GPC3: variants seen among roughly 807,000 people sequenced by gnomAD.
GPC3 encodes glypican 3.
GPC3 carries 3 observed loss-of-function variants against 34.4 expected under a neutral mutation model. That is an observed-to-expected ratio of 0.09 (90% CI 0.04 to 0.23). The LOEUF is 0.23. Among genes scored for constraint, GPC3 ranks in the 10% least tolerant of loss-of-function variants. GPC3 has a pLI of 1.00. For synonymous variants in GPC3, 177 were observed against 174.0 expected, an observed-to-expected ratio of 1.02 and a Z score of -0.13; for missense variants, 351 against 445.6, an observed-to-expected ratio of 0.79 and a Z score of 1.91.
chrX:133,761,554 T>C (rs2071790849), intron 2 of GPC3, among the ~76,000 whole-genome samples: 1 of 112,149 alleles, frequency 8.9e-6, no homozygotes, highest in African/African-American at 3.2e-5. Context: ...AAGAAATATA[T>C]GCTTTTCACA....
At chrX:133,617,512 TACATGAG>T (rs1351714880) in intron 6 of GPC3, among the ~76,000 whole-genome samples, 1 of 111,958 alleles carries the variant, frequency 8.9e-6, no homozygotes, top group Non-Finnish European at 1.9e-5. Context: ...GATGATTAAA[TACATGAG>T]TGAATAACTT....
At chrX:133,592,432 G>C (rs985650103) in intron 7 of GPC3, among the ~76,000 whole-genome samples, 1 of 109,103 alleles carries the variant, frequency 9.2e-6, no homozygotes, top group Admixed American at 9.8e-5. Context: ...CTACCTCATA[G>C]TGGTATTGTG....
chrX:133,776,301 A>G (rs2071979242), intron 2 of GPC3, among the ~76,000 whole-genome samples: 1 of 111,333 alleles, frequency 9.0e-6, no homozygotes, highest in African/African-American at 3.3e-5. Context: ...TGGCCTTCCC[A>G]AGAATGACAA....
chrX:133,668,205 C>T (rs1342232246), intron 5 of GPC3, among the ~76,000 whole-genome samples: 3 of 111,423 alleles, frequency 2.7e-5, no homozygotes. Flanking sequence ...CCATGCCCGG[C>T]CCTATTTTCT....
At chrX:133,811,050 C>A (rs1179463883) in intron 2 of GPC3, among the ~76,000 whole-genome samples, 1 of 111,286 alleles carries the variant, frequency 9.0e-6, no homozygotes, top group Non-Finnish European at 1.9e-5. Context: ...CCTGATTAGC[C>A]TGCTACAGGC....
intron 7 of GPC3, among the ~76,000 whole-genome samples, chrX:133,550,724 T>C (rs981789312): frequency 1.8e-5 from 2 of 112,062 alleles, no homozygotes; most frequent in Non-Finnish European, 3.8e-5. Context: ...AGTTGATCTC[T>C]ACTAACTGAT....
chrX:133,658,923 A>G (rs1324747249), intron 6 of GPC3, among the ~76,000 whole-genome samples: 1 of 111,800 alleles, frequency 8.9e-6, no homozygotes, highest in Non-Finnish European at 1.9e-5. Context: ...GAAGAGATGC[A>G]TCAAAGGGAT....
chrX:133,780,658 C>T (rs1021943018), intron 2 of GPC3, among the ~76,000 whole-genome samples: 1 of 111,525 alleles, frequency 9.0e-6, no homozygotes, highest in Admixed American at 9.5e-5. Context: ...GACCTGCAGT[C>T]TCAGTGACAG....
intron 6 of GPC3, among the ~76,000 whole-genome samples, chrX:133,647,305 G>A (rs1051684577): frequency 8.9e-6 from 1 of 112,486 alleles, no homozygotes; most frequent in African/African-American, 3.2e-5. Flanking sequence ...GGTGGTGAGT[G>A]GGACAGGCAA....
chrX:133,763,396 C>A (rs992989175), intron 2 of GPC3: 3 of 539,280 alleles, frequency 5.6e-6, no homozygotes, highest in Non-Finnish European at 1.0e-5. Flanking sequence ...CATGCCTGAT[C>A]TCTACTTCTA....
At chrX:133,875,212 G>T (rs1302980788) in intron 2 of GPC3, among the ~76,000 whole-genome samples, 1 of 111,780 alleles carries the variant, frequency 8.9e-6, no homozygotes, top group Non-Finnish European at 1.9e-5. Flanking sequence ...TTTCCAACTG[G>T]CATCACTGGG....
chrX:133,854,923 G>A (rs1340092275), intron 2 of GPC3, among the ~76,000 whole-genome samples: 1 of 111,767 alleles, frequency 8.9e-6, no homozygotes, highest in African/African-American at 3.3e-5. Context: ...ATAATGATAT[G>A]GTGAAATACT....
intron 1 of GPC3, among the ~76,000 whole-genome samples, chrX:133,958,289 C>A (rs1883931127): frequency 9.0e-6 from 1 of 111,606 alleles, no homozygotes; most frequent in African/African-American, 3.3e-5. Context: ...ACCTGTAATC[C>A]CAGCACTTTG....
chrX:133,838,511 A>C (rs147796450), intron 2 of GPC3, among the ~76,000 whole-genome samples: 1,135 of 112,476 alleles, frequency 0.01, 24 homozygotes, highest in African/African-American at 0.035. Flanking sequence ...ATCACATGTA[A>C]ATTTCTTAAA....
chrX:133,618,814 A>G (rs746361096), intron 6 of GPC3, among the ~76,000 whole-genome samples: 1 of 111,604 alleles, frequency 9.0e-6, no homozygotes, highest in East Asian at 2.8e-4. Context: ...AGCATATTTA[A>G]TGGCCAAAGA....
intron 3 of GPC3, among the ~76,000 whole-genome samples, chrX:133,710,132 T>G (rs2071254122): frequency 8.9e-6 from 1 of 112,210 alleles, no homozygotes; most frequent in African/African-American, 3.2e-5. Flanking sequence ...CAAGTGCTAT[T>G]ATTTGAACAT....
At chrX:133,735,301 T>C (rs188951246) in intron 3 of GPC3, among the ~76,000 whole-genome samples, 2 of 111,711 alleles carry the variant, frequency 1.8e-5, no homozygotes, top group African/African-American at 3.2e-5. Context: ...AAAAAAACCC[T>C]ACATACATTT....
intron 1 of GPC3, among the ~76,000 whole-genome samples, chrX:133,958,709 GA>G (rs1196601371): frequency 1.4e-3 from 80 of 56,684 alleles, no homozygotes; most frequent in African/African-American, 2.6e-3. Context: ...CATCTCTACT[GA>G]AAAAAAAAAA....
At chrX:133,842,000 T>C (rs1483378355) in intron 2 of GPC3, among the ~76,000 whole-genome samples, 2 of 112,416 alleles carry the variant, frequency 1.8e-5, no homozygotes, top group Non-Finnish European at 3.8e-5. Context: ...TTGTGGGACC[T>C]TGTGACCATG....
Sources: allele counts gnomAD v4.1 joint callset (sites outside exome capture counted in the v4.1 genomes callset), GRCh38; gene constraint gnomAD v4.1.1; transcripts MANE v1.5; gene names NCBI Gene and HGNC (gene_info 2026-07-23, HGNC 2026-07-21).